Variants in GRM8 observed in about 807,000 individuals in gnomAD.
GRM8 encodes glutamate metabotropic receptor 8, also known as metabotropic glutamate receptor 8.
Under a neutral mutation model 87.2 loss-of-function variants are expected in GRM8, and 47 were observed. That is an observed-to-expected ratio of 0.54 (90% CI 0.43 to 0.69). The LOEUF is 0.69. Ranked by LOEUF, GRM8 falls within the 30% of genes least tolerant of loss-of-function variation. The pLI, the probability that GRM8 is intolerant of heterozygous loss-of-function variation, is 0.00. For synonymous variants in GRM8, 396 were observed against 404.5 expected, an observed-to-expected ratio of 0.98 and a Z score of 0.25; for missense variants, 1,019 against 1,139.2, an observed-to-expected ratio of 0.89 and a Z score of 1.52.
At chr7:127,111,097 T>C (rs1403023096) in intron 2 of GRM8, 2 of 152,216 alleles carry the variant, frequency 1.3e-5, no homozygotes, top group East Asian at 1.9e-4. Context: ...GGTTGAGATA[T>C]GGTGCAAGAG....
At chr7:126,746,832 G>A (rs940861474) in intron 7 of GRM8, among the ~76,000 whole-genome samples, 2 of 151,538 alleles carry the variant, frequency 1.3e-5, no homozygotes, top group South Asian at 2.1e-4. Context: ...TGATAACAAT[G>A]ATCTTTCATA....
chr7:126,951,018 T>C (rs547992721), intron 3 of GRM8, among the ~76,000 whole-genome samples: 1 of 152,180 alleles, frequency 6.6e-6, no homozygotes, highest in East Asian at 1.9e-4. Flanking sequence ...GGGAAAGTGG[T>C]ACATAAAGAA....
chr7:126,477,310 T>C (rs1806033318), intron 9 of GRM8, among the ~76,000 whole-genome samples: 1 of 151,970 alleles, frequency 6.6e-6, no homozygotes, highest in African/African-American at 2.4e-5. Flanking sequence ...GTTCTGGAGA[T>C]TTAATGTGGC....
At chr7:126,963,541 C>G (rs1380372330) in intron 3 of GRM8, among the ~76,000 whole-genome samples, 1 of 151,928 alleles carries the variant, frequency 6.6e-6, no homozygotes, top group East Asian at 1.9e-4. Context: ...ATACAGAGAG[C>G]CAAATCATGA....
chr7:127,079,008 C>T (rs1361634280), intron 3 of GRM8, among the ~76,000 whole-genome samples: 2 of 152,310 alleles, frequency 1.3e-5, no homozygotes, highest in East Asian at 3.9e-4. Flanking sequence ...TAATTTTGAT[C>T]TCATCTTCCA....
rs1027398732 is a variant in GRM8, at chr7:127,059,583, G to A, written c.727+46913C>T. Reference sequence around the variant, plus strand: ...AACTCCTGACCTTGTGATTGCACCCGCCTTGGCCTCCCAAAGTGCTGGGAT... The same window carrying A: ...AACTCCTGACCTTGTGATTGCACCCACCTTGGCCTCCCAAAGTGCTGGGAT... On this transcript the variant is annotated intron_variant, in intron 3 of 10. Coordinates refer to ENST00000339582, the MANE Select transcript of GRM8 (RefSeq NM_000845.3). 9.9e-4 allele frequency among the ~76,000 whole-genome samples: 150 copies of A among 152,144 alleles called. 1 individual carries two copies. The highest frequency in any genetic ancestry group is 3.5e-3 in the African/African-American group (145 of 41,488).
intron 2 of GRM8, among the ~76,000 whole-genome samples, chr7:127,197,111 G>A (rs937444981): frequency 1.3e-5 from 2 of 152,072 alleles, no homozygotes; most frequent in African/African-American, 4.8e-5. Context: ...TATTGGTCTA[G>A]GTTGTTTCTA....
In GRM8 at chr7:126,528,927, TACCCCTAC is replaced by T. The variant is rs1351022785; in HGVS notation, c.2430+4017_2430+4024del. 2.0e-5 allele frequency among the ~76,000 whole-genome samples: 3 copies of T among 152,154 alleles called. No individual in the cohort carries two copies. In the East Asian group the frequency reaches 5.8e-4, roughly 29 times the overall value. On this transcript the variant is annotated intron_variant, in intron 9 of 10. Coordinates refer to ENST00000339582, the MANE Select transcript of GRM8 (RefSeq NM_000845.3). ...TTCTTACTCCACTGGCACACCTGTG[TACCCCTAC>T]ACTCTTCTGCCCCTAAGGTAGATAA... is the stretch of plus-strand genomic sequence containing the variant.
At chr7:127,106,403 A>G in intron 3 of GRM8, 93 bp downstream of exon 3, 3 of 966,132 alleles carry the variant, frequency 3.1e-6, no homozygotes, top group Non-Finnish European at 4.8e-6. Context: ...AGGAGTTCCA[A>G]TTATTCCCTA....
intron 3 of GRM8, among the ~76,000 whole-genome samples, chr7:127,017,137 TA>T (rs1025489057): frequency 1.3e-5 from 2 of 152,098 alleles, no homozygotes; most frequent in Non-Finnish European, 2.9e-5. Flanking sequence ...ACTGCAACTA[TA>T]ATCTGTAGAT....
chr7:126,928,172 A>G (rs907316665), intron 3 of GRM8, among the ~76,000 whole-genome samples: 3 of 139,884 alleles, frequency 2.1e-5, no homozygotes, highest in Non-Finnish European at 4.6e-5. Context: ...GAACAATAAG[A>G]ACACATGGAC....
chr7:126,576,740 G>A (rs1795149393), intron 8 of GRM8, among the ~76,000 whole-genome samples: 1 of 151,968 alleles, frequency 6.6e-6, no homozygotes, highest in Non-Finnish European at 1.5e-5. Flanking sequence ...TCCTTAAAAT[G>A]TCAGTGAGGA....
At chr7:126,712,017 TTTTC>T (rs1811160103) in intron 7 of GRM8, among the ~76,000 whole-genome samples, 1 of 152,226 alleles carries the variant, frequency 6.6e-6, no homozygotes, top group Non-Finnish European at 1.5e-5. Flanking sequence ...GCACTTTTAA[TTTTC>T]TTTAAGAACT....
At chr7:126,439,967 G>A (rs775428111) in intron 10 of GRM8, among the ~76,000 whole-genome samples, 4 of 151,812 alleles carry the variant, frequency 2.6e-5, no homozygotes, top group Non-Finnish European at 4.4e-5. Flanking sequence ...GCTGGACAAT[G>A]TGTTTGTGTT....
chr7:126,847,246 T>G (rs760892126), intron 6 of GRM8, among the ~76,000 whole-genome samples: 4 of 152,244 alleles, frequency 2.6e-5, no homozygotes, highest in South Asian at 2.1e-4. Context: ...AACACTAGCT[T>G]TTTCCAGTTT....
intron 3 of GRM8, among the ~76,000 whole-genome samples, chr7:127,086,941 T>C (rs1187509567): frequency 2.0e-5 from 3 of 152,256 alleles, no homozygotes; most frequent in East Asian, 3.9e-4. Flanking sequence ...CTGAAGCATA[T>C]GTTGGCCCAC....
chr7:126,986,648 T>A (rs1045795726), intron 3 of GRM8, among the ~76,000 whole-genome samples: 3 of 152,168 alleles, frequency 2.0e-5, no homozygotes, highest in African/African-American at 7.2e-5. Context: ...TACATTAATA[T>A]ACAGAAATAA....
intron 8 of GRM8, among the ~76,000 whole-genome samples, chr7:126,577,287 T>G (rs901596507): frequency 4.6e-5 from 7 of 152,164 alleles, no homozygotes; most frequent in African/African-American, 1.7e-4. Flanking sequence ...GAAAAGCCAA[T>G]TTCCAATCTG....
rs187640987 is a variant in GRM8, at chr7:127,125,863, A to G, written c.511-19151T>C. On this transcript the variant is annotated intron_variant, in intron 2 of 10. Transcript: ENST00000339582. ...AAGAAGATATACAAAGGGCCAACAG[A>G]CATTTGAAAAAATACTTTACATCAC... is the stretch of plus-strand genomic sequence containing the variant. Among the ~76,000 whole-genome samples the G allele has an allele frequency of 9.9e-5, 15 of 152,004 alleles. No individual in the cohort carries two copies. In the East Asian group the frequency reaches 2.5e-3, roughly 25 times the overall value.
Sources: gnomAD v4.1 joint callset for allele counts (sites outside exome capture counted in the v4.1 genomes callset) on GRCh38, gnomAD v4.1.1 for gene constraint, MANE v1.5 for transcripts, NCBI Gene and HGNC (gene_info 2026-07-23, HGNC 2026-07-21) for gene names.